The following VKORC1L1 variants were observed in gnomAD, a reference collection of about 807,000 sequenced individuals.
VKORC1L1 encodes vitamin K epoxide reductase complex subunit 1L1, also known as vitamin K epoxide reductase complex subunit 1-like protein 1.
VKORC1L1 carries 2 observed loss-of-function variants against 18.9 expected under a neutral mutation model. The ratio of observed to expected loss-of-function variants is 0.11; its 90% CI spans 0.04 to 0.33. VKORC1L1 has a LOEUF of 0.33. Ranked by LOEUF, VKORC1L1 falls within the 10% of genes least tolerant of loss-of-function variation. The pLI is 1.00. For missense variants in VKORC1L1, 123 were observed against 224.1 expected, an observed-to-expected ratio of 0.55 and a Z score of 2.88; for synonymous variants, 96 against 100.0, an observed-to-expected ratio of 0.96 and a Z score of 0.24.
intron 1 of VKORC1L1, among the ~76,000 whole-genome samples, chr7:65,941,573 C>T (rs1193248165): frequency 6.6e-6 from 1 of 151,364 alleles, no homozygotes; most frequent in East Asian, 1.9e-4. Flanking sequence ...TTTAGAAAGA[C>T]CCCAGGAGAG....
chr7:65,889,845 T>C (rs1229554195), intron 1 of VKORC1L1, among the ~76,000 whole-genome samples: 1 of 152,234 alleles, frequency 6.6e-6, no homozygotes, highest in Non-Finnish European at 1.5e-5. Flanking sequence ...TCACTCAGTG[T>C]CATTTTGTGA....
intron 1 of VKORC1L1, among the ~76,000 whole-genome samples, chr7:65,906,298 C>G (rs1789405059): frequency 6.6e-6 from 1 of 151,458 alleles, no homozygotes; most frequent in Admixed American, 6.6e-5. Context: ...TGCTTGAGCT[C>G]AGGAGGATGA....
At position 65,922,545 on chromosome 7, in the gene VKORC1L1, A is replaced by G. The variant is rs574836406; in HGVS notation, c.195-26126A>G. On this transcript the variant is annotated intron_variant, in intron 1 of 2. Transcript: ENST00000360768. The stretch of plus-strand genomic sequence containing the variant: ...GTGATCTGCCCGCCTCAGCCTCCCA[A>G]AGTGCTGGGATTACAGGCGTGAGCC... Among the ~76,000 whole-genome samples, 13 of 152,240 alleles carry G rather than the reference A, an allele frequency of 8.5e-5. 1 individual carries two copies. The highest frequency in any genetic ancestry group is 8.8e-5 in the Non-Finnish European group (6 of 67,994).
At chr7:65,896,710 C>T (rs1046417771) in intron 1 of VKORC1L1, among the ~76,000 whole-genome samples, 5 of 151,994 alleles carry the variant, frequency 3.3e-5, no homozygotes, top group Admixed American at 6.6e-5. Context: ...TGCGTAAAAA[C>T]AGACACGCTG....
At chr7:65,903,975 A>G (rs1330248694) in intron 1 of VKORC1L1, among the ~76,000 whole-genome samples, 1 of 152,182 alleles carries the variant, frequency 6.6e-6, no homozygotes, top group East Asian at 1.9e-4. Flanking sequence ...AGATGACTGC[A>G]TTGAAGGTGA....
intron 1 of VKORC1L1, among the ~76,000 whole-genome samples, chr7:65,909,737 T>TGTGTGTGTGTGTGTGTGTGTGTGA (rs1491345250): frequency 6.9e-6 from 1 of 145,172 alleles, no homozygotes; most frequent in Non-Finnish European, 1.5e-5. Flanking sequence ...TGTGTGTGTG[T>TGTGTGTGTGTGTGTGTGTGTGTGA]GACGGAGGCT....
At chr7:65,943,480 C>T (rs768404838) in intron 1 of VKORC1L1, among the ~76,000 whole-genome samples, 1 of 152,118 alleles carries the variant, frequency 6.6e-6, no homozygotes, top group Non-Finnish European at 1.5e-5. Flanking sequence ...TACAAATCTT[C>T]CACTAAGTTC....
At chr7:65,944,317 C>T (rs926352163) in intron 1 of VKORC1L1, among the ~76,000 whole-genome samples, 1 of 151,948 alleles carries the variant, frequency 6.6e-6, no homozygotes, top group Non-Finnish European at 1.5e-5. Context: ...TGCAGTGAGC[C>T]GAGATAGCAC....
At chr7:65,893,601 ATAGG>A (rs1282516627) in intron 1 of VKORC1L1, among the ~76,000 whole-genome samples, 1 of 151,980 alleles carries the variant, frequency 6.6e-6, no homozygotes, top group Admixed American at 6.6e-5. Context: ...GATAAATATA[ATAGG>A]TATGTGCCAC....
chr7:65,899,774 C>T (rs866178157), intron 1 of VKORC1L1, among the ~76,000 whole-genome samples: 5 of 151,768 alleles, frequency 3.3e-5, no homozygotes, highest in Middle Eastern at 3.4e-3. Flanking sequence ...CTGAGACAGG[C>T]GGATCATCTT....
At chr7:65,874,385 A>T (rs965256871) in intron 1 of VKORC1L1, among the ~76,000 whole-genome samples, 1 of 151,912 alleles carries the variant, frequency 6.6e-6, no homozygotes, top group African/African-American at 2.4e-5. Flanking sequence ...CTATTAGCAT[A>T]TTCGAGACCA....
chr7:65,949,163 T>C (rs1473286801), intron 2 of VKORC1L1, among the ~76,000 whole-genome samples: 1 of 152,168 alleles, frequency 6.6e-6, no homozygotes, highest in Non-Finnish European at 1.5e-5. Flanking sequence ...ATATCCACTA[T>C]TTCCACAGTC....
chr7:65,897,121 A>G (rs1789227043), intron 1 of VKORC1L1, among the ~76,000 whole-genome samples: 2 of 152,228 alleles, frequency 1.3e-5, no homozygotes, highest in African/African-American at 4.8e-5. Flanking sequence ...TCAAAGGGCT[A>G]ATTTCCTTTA....
intron 1 of VKORC1L1, among the ~76,000 whole-genome samples, chr7:65,898,081 T>G (rs895389582): frequency 2.0e-5 from 2 of 99,744 alleles, no homozygotes; most frequent in African/African-American, 7.6e-5. Flanking sequence ...TAGCAGGTTT[T>G]TTTTTTTTTT....
Position 65,956,292 on chromosome 7 carries a change from A to G in VKORC1L1, c.*1992A>G, listed in dbSNP as rs891636457. 6.6e-6 allele frequency: 1 copy of G among 152,214 alleles called. No homozygotes were observed. The highest frequency in any genetic ancestry group is 1.5e-5 in the Non-Finnish European group (1 of 68,036). 9.4% of individuals were successfully genotyped at this position (152,214 alleles called of 1,614,324 possible). A position where few individuals can be genotyped will look rare whatever the true frequency, so the allele number is the denominator to read the frequency against. On this transcript the variant is annotated 3_prime_UTR_variant, in exon 3 of 3. Transcript: ENST00000360768. ...GTTCTTTTTTCTAAGCTACAGTGGA[A>G]ATGGCCTAATGGTTAAAACTGTGGT...
At position 65,873,156 on chromosome 7, in the gene VKORC1L1, CG is replaced by C. The variant is rs1315767464; in HGVS notation, c.-215del. The C allele has an allele frequency of 2.1e-6, 1 of 475,536 alleles. No individual in the cohort carries two copies. The highest frequency in any genetic ancestry group is 2.7e-6 in the Non-Finnish European group (1 of 364,472). The allele number at this position is 475,536 out of a possible 1,614,324, so 29.5% of individuals were successfully genotyped here. A position where few individuals can be genotyped will look rare whatever the true frequency, so the allele number is the denominator to read the frequency against. On this transcript the variant is annotated 5_prime_UTR_variant, in exon 1 of 3. Coordinates refer to ENST00000360768, the MANE Select transcript of VKORC1L1 (RefSeq NM_173517.6). ...GCGCCCGCGCGCGCCTTCCCCGCCC[CG>C]TCCGCCTCACTCCTTTTGGGGCGGT...
intron 2 of VKORC1L1, among the ~76,000 whole-genome samples, chr7:65,950,287 T>C (rs1345609417): frequency 6.6e-6 from 1 of 152,224 alleles, no homozygotes; most frequent in East Asian, 1.9e-4. Context: ...TTTGTTAGTG[T>C]TATGAATTTG....
chr7:65,935,278 G>C (rs1789924361), intron 1 of VKORC1L1, among the ~76,000 whole-genome samples: 1 of 137,404 alleles, frequency 7.3e-6, no homozygotes, highest in African/African-American at 2.5e-5. Context: ...TCAGTTGACA[G>C]TTCTTTTCAG....
chr7:65,950,055 G>A (rs1323743762), intron 2 of VKORC1L1, among the ~76,000 whole-genome samples: 2 of 151,946 alleles, frequency 1.3e-5, no homozygotes, highest in Admixed American at 1.3e-4. Flanking sequence ...AGCTCCAGCG[G>A]TCTTTATTTT....
Sources: gnomAD v4.1 joint callset for allele counts (sites outside exome capture counted in the v4.1 genomes callset) on GRCh38, gnomAD v4.1.1 for gene constraint, MANE v1.5 for transcripts, NCBI Gene and HGNC (gene_info 2026-07-23, HGNC 2026-07-21) for gene names.